SERPINE2: variants seen among roughly 807,000 people sequenced by gnomAD.
SERPINE2 encodes serpin family E member 2, also known as glia-derived nexin.
SERPINE2 carries 14 observed loss-of-function variants against 36.3 expected under a neutral mutation model. The observed-to-expected ratio is 0.39, with a 90% CI of 0.25 to 0.60. SERPINE2 has a LOEUF of 0.60. SERPINE2 is among the 20% of genes least tolerant of loss of function. The probability of loss-of-function intolerance (pLI) is 0.57; values close to 1 mark genes in which losing one functional copy is unlikely to be tolerated. For missense variants in SERPINE2, 418 were observed against 499.6 expected (o/e 0.84, Z 1.56); for synonymous variants, 192 against 191.8 (o/e 1.00, Z -0.01).
chr2:223,976,902 G>T (rs1451380690), intron 8 of SERPINE2, among the ~76,000 whole-genome samples: 1 of 152,148 alleles, frequency 6.6e-6, no homozygotes. Context: ...ATATATCAAG[G>T]GCAGGACCAG....
intron 1 of SERPINE2, among the ~76,000 whole-genome samples, chr2:224,007,416 C>A (rs143049930): frequency 1.3e-5 from 2 of 152,030 alleles, no homozygotes; most frequent in African/African-American, 4.8e-5. Flanking sequence ...ATTTAATACT[C>A]CCCCCCATAC....
At chr2:224,022,958 G>C (rs919263286) in intron 1 of SERPINE2, among the ~76,000 whole-genome samples, 1 of 152,170 alleles carries the variant, frequency 6.6e-6, no homozygotes, top group Non-Finnish European at 1.5e-5. Flanking sequence ...ACTCTGTCCT[G>C]TCACCCTGTG....
chr2:224,031,198 C>T (rs918348370), intron 1 of SERPINE2: 4 of 985,336 alleles, frequency 4.1e-6, no homozygotes, highest in Non-Finnish European at 4.8e-6. Context: ...GGCACTGACA[C>T]ATAAAGGCTG....
rs762926554 is a variant in SERPINE2 at position 223,982,715 on chromosome 2, A to C, written c.951T>G (p.Phe317Leu). 1 of 1,613,912 alleles carries C rather than the reference A, an allele frequency of 6.2e-7. No individual in the cohort carries two copies. Among genetic ancestry groups the C allele is most frequent in the Non-Finnish European group, 8.5e-7 (1 of 1,179,924 alleles). ...PLKVLGITDMFDSSKANFAKI... is the reference protein window; with the variant it reads ...PLKVLGITDMLDSSKANFAKI... ...TTGCAAAATTTGCCTTTGATGAATCAAACATGTCAGTAATGCCAAGAACTT... is the reference window on the plus strand; with the variant it reads ...TTGCAAAATTTGCCTTTGATGAATCCAACATGTCAGTAATGCCAAGAACTT... Residue 317 changes from phenylalanine to leucine, a missense_variant, in exon 6 of 9, where the codon TTT (phenylalanine) becomes TTG (leucine). Physicochemically the swap from Phe to Leu is conservative, Grantham distance 22. Coordinates refer to ENST00000409304, the MANE Select transcript of SERPINE2 (RefSeq NM_001136528.2).
chr2:223,991,986 G>A lies in SERPINE2; in HGVS notation c.502C>T (p.Leu168=). The part of the protein sequence containing the change: ...KNETRDMIDN[L]LSPDLIDGVL... ...CCATCAATAAGATCTGGGGACAGCA[G>A]ATTGTCAATCATATCTGTGAAGCCA... is the stretch of plus-strand genomic sequence containing the variant. The change falls in exon 4 of 9, where the codon CTG becomes TTG. Residue 168 remains leucine (L), a synonymous_variant. Coordinates refer to ENST00000409304, the MANE Select transcript of SERPINE2 (RefSeq NM_001136528.2). The A allele has an allele frequency of 6.2e-7, 1 of 1,614,060 alleles. No homozygotes were observed. The highest frequency in any genetic ancestry group is 8.5e-7 in the Non-Finnish European group (1 of 1,179,972).
At chr2:224,020,620 A>G (rs1013647203) in intron 1 of SERPINE2, among the ~76,000 whole-genome samples, 2 of 152,224 alleles carry the variant, frequency 1.3e-5, no homozygotes, top group East Asian at 3.8e-4. Context: ...AATATTTTCA[A>G]TTATTGGCTA....
intron 1 of SERPINE2, among the ~76,000 whole-genome samples, chr2:224,038,124 T>C (rs1431462267): frequency 6.6e-6 from 1 of 152,222 alleles, no homozygotes; most frequent in African/African-American, 2.4e-5. Context: ...AGTTTTGATA[T>C]AAAATCTTCA....
At chr2:224,003,419 G>A (rs1691267638) in intron 1 of SERPINE2, among the ~76,000 whole-genome samples, 2 of 152,162 alleles carry the variant, frequency 1.3e-5, no homozygotes, top group East Asian at 1.9e-4. Context: ...ATAACCACAA[G>A]CGCTTGATTC....
chr2:224,038,494 A>C (rs1279000779), intron 1 of SERPINE2: 8 of 1,551,384 alleles, frequency 5.2e-6, no homozygotes, highest in South Asian at 1.2e-5. Context: ...TTTTACCTGC[A>C]GTCACTCATC....
At chr2:224,037,155 C>G (rs1434108412) in intron 1 of SERPINE2, among the ~76,000 whole-genome samples, 1 of 152,162 alleles carries the variant, frequency 6.6e-6, no homozygotes, top group Non-Finnish European at 1.5e-5. Context: ...CAACAAAGTA[C>G]CCAGACACAG....
rs534019090 is a variant in SERPINE2, at chr2:224,011,051, G to T, written c.-22-9129C>A. On this transcript the variant is annotated intron_variant, in intron 1 of 8. Transcript: ENST00000409304. Reference sequence around the variant, plus strand: ...CATTACTGTGGGAATGGAGGGGGAGGGGTGAGTATGTCCCAGAAAACCTTT... The same window carrying T: ...CATTACTGTGGGAATGGAGGGGGAGTGGTGAGTATGTCCCAGAAAACCTTT... 5.9e-5 allele frequency among the ~76,000 whole-genome samples: 9 copies of T among 152,248 alleles called. No homozygotes were observed. The South Asian group carries it at 1.9e-3, about 32-fold the overall frequency.
At position 223,992,047 on chromosome 2, in the gene SERPINE2, T is replaced by C. The variant is rs770147758; in HGVS notation, c.488-47A>G. On this transcript the variant is annotated intron_variant, in intron 3 of 8. Transcript: ENST00000409304. ...AAGGGAAAAATAACCTCAGGACTGGTGGCCGGCTTGAGGGCAAATGGCAGC... is the reference window on the plus strand; with the variant it reads ...AAGGGAAAAATAACCTCAGGACTGGCGGCCGGCTTGAGGGCAAATGGCAGC... The C allele has an allele frequency of 7.1e-6, 11 of 1,551,694 alleles. No homozygotes were observed. In the East Asian group the frequency reaches 2.3e-4, roughly 32 times the overall value.
intron 5 of SERPINE2, among the ~76,000 whole-genome samples, chr2:223,983,090 G>A (rs977282483): frequency 2.0e-5 from 3 of 152,174 alleles, no homozygotes; most frequent in African/African-American, 7.2e-5. Flanking sequence ...TTATACTGAC[G>A]TGGAGGTTGA....
rs59535683 is a variant in SERPINE2 at position 224,013,010 on chromosome 2, T to C, written c.-22-11088A>G. ...CACAGACCATTTCATGTTGAGTTTT[T>C]TCAGTAAATGGTGGTGTTATTTTGG... On this transcript the variant is annotated intron_variant, in intron 1 of 8. Transcript: ENST00000409304. 5.3e-3 allele frequency among the ~76,000 whole-genome samples: 811 copies of C among 152,340 alleles called. 26 individuals carry two copies. The East Asian group carries it at 0.092, about 17-fold the overall frequency.
intron 3 of SERPINE2, among the ~76,000 whole-genome samples, chr2:223,992,563 C>G (rs1345567778): frequency 6.6e-6 from 1 of 152,138 alleles, no homozygotes; most frequent in Non-Finnish European, 1.5e-5. Context: ...CTGGGTATCA[C>G]AAGGCCTCCT....
intron 3 of SERPINE2, among the ~76,000 whole-genome samples, chr2:223,994,820 C>T (rs1056841792): frequency 2.0e-5 from 3 of 152,190 alleles, no homozygotes; most frequent in African/African-American, 7.2e-5. Flanking sequence ...TATTCACATC[C>T]TCACACCAGC....
intron 1 of SERPINE2, among the ~76,000 whole-genome samples, chr2:224,031,705 G>C (rs1183436257): frequency 2.6e-5 from 4 of 151,980 alleles, no homozygotes; most frequent in Admixed American, 6.6e-5. Context: ...ACAGCGAACA[G>C]CATGTGACTG....
intron 1 of SERPINE2, among the ~76,000 whole-genome samples, chr2:224,028,375 A>G (rs572080497): frequency 5.3e-5 from 8 of 152,338 alleles, no homozygotes; most frequent in African/African-American, 1.9e-4. Context: ...TATTTTGCCT[A>G]AAGCCACACA....
intron 4 of SERPINE2, 78 bp from the exon 5 acceptor site, chr2:223,985,028 T>C: frequency 7.6e-7 from 1 of 1,319,656 alleles, no homozygotes. Context: ...GTCACCGGGA[T>C]AGCTTCAGAG....
Sources: allele counts gnomAD v4.1 joint callset (sites outside exome capture counted in the v4.1 genomes callset), GRCh38; gene constraint gnomAD v4.1.1; transcripts MANE v1.5; gene names NCBI Gene and HGNC (gene_info 2026-07-23, HGNC 2026-07-21).